ZC3H6: variants seen among roughly 807,000 people sequenced by gnomAD.
ZC3H6 encodes the protein zinc finger CCCH domain-containing protein 6.
ZC3H6 carries 40 observed loss-of-function variants against 107.7 expected under a neutral mutation model. That is an observed-to-expected ratio of 0.37 (90% CI 0.29 to 0.48). The LOEUF is 0.48. Ranked by LOEUF, ZC3H6 falls within the 20% of genes least tolerant of loss-of-function variation. ZC3H6 has a pLI of 0.98. For synonymous variants in ZC3H6, 493 were observed against 487.9 expected, an observed-to-expected ratio of 1.01 and a Z score of -0.14; for missense variants, 1,267 against 1,410.4, an observed-to-expected ratio of 0.90 and a Z score of 1.63.
In ZC3H6 at chr2:112,324,584, G is replaced by T. The variant is rs1676871688; in HGVS notation, c.1773G>T (p.Leu591=). Residue 591 remains leucine, a synonymous_variant, in exon 10 of 12, where the codon CTG becomes CTT. Coordinates refer to ENST00000409871, the MANE Select transcript of ZC3H6 (RefSeq NM_198581.3). ...AGCTCAACACCAATTATGAGTCCCTGCAAAACCCAGCTGAGTTTTACGATA... is the reference window on the plus strand; with the variant it reads ...AGCTCAACACCAATTATGAGTCCCTTCAAAACCCAGCTGAGTTTTACGATA... ...EMQLNTNYES[L]QNPAEFYDNY... is the part of the protein sequence containing the mutation. The T allele has an allele frequency of 6.2e-7, 1 of 1,611,236 alleles. No individual in the cohort carries two copies. Among genetic ancestry groups the T allele is most frequent in the Non-Finnish European group, 8.5e-7 (1 of 1,178,438 alleles).
intron 1 of ZC3H6, among the ~76,000 whole-genome samples, chr2:112,292,288 A>C (rs186432778): frequency 6.6e-6 from 1 of 152,246 alleles, no homozygotes; most frequent in Non-Finnish European, 1.5e-5. Flanking sequence ...ATTCACTGCT[A>C]TATGGCTTAT....
intron 3 of ZC3H6, among the ~76,000 whole-genome samples, chr2:112,306,161 G>A: frequency 6.7e-6 from 1 of 148,760 alleles, no homozygotes; most frequent in Admixed American, 6.8e-5. Flanking sequence ...TTCTATATCT[G>A]AAGTCTGTAT....
chr2:112,296,414 T>C (rs965045845), intron 1 of ZC3H6, among the ~76,000 whole-genome samples: 1 of 152,220 alleles, frequency 6.6e-6, no homozygotes, highest in East Asian at 1.9e-4. Context: ...AAGCATAATT[T>C]ATATATCTAT....
intron 1 of ZC3H6, among the ~76,000 whole-genome samples, chr2:112,276,307 G>C (rs920011323): frequency 6.6e-6 from 1 of 150,592 alleles, no homozygotes; most frequent in Non-Finnish European, 1.5e-5. Context: ...GGCTCCGTGT[G>C]CGCCGGGCGG....
chr2:112,277,192 C>T (rs1455204748), intron 1 of ZC3H6, among the ~76,000 whole-genome samples: 7 of 152,068 alleles, frequency 4.6e-5, no homozygotes, highest in Non-Finnish European at 8.8e-5. Flanking sequence ...CCAGAGGGCA[C>T]GTCAATCAAA....
intron 1 of ZC3H6, among the ~76,000 whole-genome samples, chr2:112,295,258 G>A (rs996138286): frequency 6.6e-6 from 1 of 152,090 alleles, no homozygotes; most frequent in Admixed American, 6.6e-5. Flanking sequence ...AGTCTATTGT[G>A]TTTATATTAA....
At chr2:112,315,131 A>T (rs1326646041) in intron 5 of ZC3H6, among the ~76,000 whole-genome samples, 1 of 152,240 alleles carries the variant, frequency 6.6e-6, no homozygotes, top group Non-Finnish European at 1.5e-5. Context: ...TTGAACTCCT[A>T]TGATATACAG....
At chr2:112,288,686 TAAG>T (rs1686656255) in intron 1 of ZC3H6, among the ~76,000 whole-genome samples, 1 of 152,240 alleles carries the variant, frequency 6.6e-6, no homozygotes, top group South Asian at 2.1e-4. Flanking sequence ...TTTAAAGCCT[TAAG>T]TAGTCCTTTT....
Position 112,324,670 on chromosome 2 carries a change from T to G in ZC3H6, c.1852+7T>G. 2 of 1,526,676 alleles carry G rather than the reference T, an allele frequency of 1.3e-6. No individual in the cohort carries two copies. The highest frequency in any genetic ancestry group is 1.7e-6 in the Non-Finnish European group (2 of 1,147,900). 94.6% of individuals were successfully genotyped at this position (1,526,676 alleles called of 1,614,324 possible). The stretch of plus-strand genomic sequence containing the variant: ...CCACCCAATAACTCTGGTGGTAAGT[T>G]TACTTTTTTGAAATAATTTATTCCT... On this transcript the variant is annotated splice_region_variant and intron_variant, in intron 10 of 11. Transcript: ENST00000409871.
chr2:112,329,951 TTAGG>T (rs1676992838), intron 11 of ZC3H6, among the ~76,000 whole-genome samples: 1 of 152,174 alleles, frequency 6.6e-6, no homozygotes, highest in Non-Finnish European at 1.5e-5. Flanking sequence ...GTAGGCTTCT[TTAGG>T]TAGGCTTCTT....
intron 1 of ZC3H6, among the ~76,000 whole-genome samples, chr2:112,282,403 T>C (rs1313754057): frequency 1.3e-5 from 2 of 152,236 alleles, no homozygotes; most frequent in African/African-American, 2.4e-5. Flanking sequence ...TGTTCAAAAA[T>C]AATAACCAGG....
intron 1 of ZC3H6, among the ~76,000 whole-genome samples, chr2:112,287,664 C>T (rs113358068): frequency 3.3e-5 from 5 of 152,144 alleles, no homozygotes; most frequent in South Asian, 2.1e-4. Context: ...TGCAGTGGCA[C>T]GATCTCAGCT....
At chr2:112,301,291 C>A (rs956078862) in intron 2 of ZC3H6, among the ~76,000 whole-genome samples, 8 of 152,134 alleles carry the variant, frequency 5.3e-5, no homozygotes, top group Admixed American at 5.2e-4. Flanking sequence ...TATGAATCAA[C>A]CAAATTCCTT....
rs764687236 is a variant in ZC3H6 at position 112,311,885 on chromosome 2, G to A, written c.695G>A (p.Gly232Glu). 7 of 1,613,352 alleles carry A rather than the reference G, an allele frequency of 4.3e-6. No homozygotes were observed. In the Admixed American group the frequency reaches 1.2e-4, roughly 27 times the overall value. ...PKKIKRKERG[G>E]RTNKGPNVFS... ...AAAATCAAACGAAAAGAACGTGGGG[G>A]AAGAACCAATAAAGGGCCTAATGTG... Residue 232 changes from glycine to glutamate, a missense_variant, in exon 5 of 12, where the codon GGA becomes GAA. Coordinates refer to ENST00000409871, the MANE Select transcript of ZC3H6 (RefSeq NM_198581.3).
chr2:112,281,967 T>C (rs1573943913), intron 1 of ZC3H6, among the ~76,000 whole-genome samples: 2 of 152,100 alleles, frequency 1.3e-5, no homozygotes, highest in South Asian at 4.2e-4. Context: ...ACTGGTGGGC[T>C]TCAGGCCTAA....
chr2:112,315,024 A>G (rs1054036699), intron 5 of ZC3H6, among the ~76,000 whole-genome samples: 1 of 152,202 alleles, frequency 6.6e-6, no homozygotes, highest in African/African-American at 2.4e-5. Flanking sequence ...GCTGTGAGGC[A>G]ATCTCTTGTT....
chr2:112,279,060 T>C (rs1281175787), intron 1 of ZC3H6, among the ~76,000 whole-genome samples: 1 of 152,258 alleles, frequency 6.6e-6, no homozygotes, highest in Non-Finnish European at 1.5e-5. Flanking sequence ...ATGTTATTAA[T>C]ATAAAAATAC....
chr2:112,307,485 T>G (rs758745760), intron 3 of ZC3H6, among the ~76,000 whole-genome samples: 5 of 152,196 alleles, frequency 3.3e-5, no homozygotes, highest in Non-Finnish European at 5.9e-5. Context: ...GAATTTGTTG[T>G]CTTTTTCATT....
At chr2:112,311,749 A>C in intron 4 of ZC3H6, 55 bp from the exon 5 acceptor site, 1 of 1,487,542 alleles carries the variant, frequency 6.7e-7, no homozygotes, top group Non-Finnish European at 9.1e-7. Context: ...TAAACTAATA[A>C]ATTGAAAGGT....
Sources: allele counts gnomAD v4.1 joint callset (sites outside exome capture counted in the v4.1 genomes callset), GRCh38; gene constraint gnomAD v4.1.1; transcripts MANE v1.5; gene names NCBI Gene and HGNC (gene_info 2026-07-23, HGNC 2026-07-21).